Variants in CERS6 observed in about 807,000 individuals in gnomAD.
CERS6 encodes LAG1 homolog, ceramide synthase 6.
CERS6 carries 26 observed loss-of-function variants against 56.8 expected under a neutral mutation model. The ratio of observed to expected loss-of-function variants is 0.46; its 90% confidence interval spans 0.34 to 0.63. The LOEUF is 0.63. CERS6 is among the 30% of genes least tolerant of loss of function. CERS6 has a pLI of 0.01. For synonymous variants in CERS6, 164 were observed against 173.3 expected, an observed-to-expected ratio of 0.95 and a Z score of 0.42; for missense variants, 415 against 467.5, an observed-to-expected ratio of 0.89 and a Z score of 1.04.
rs1386790554 is a variant in CERS6 at position 168,772,129 on chromosome 2, CT to C, written c.*2468del. ...ATATGTGCAGTATCTCATCCTCCCC[CT>C]GTACCAGGCCATAGCTTTGAAGTGT... On this transcript the variant is annotated 3_prime_UTR_variant, in exon 10 of 10. Transcript: ENST00000305747. The C allele has an allele frequency of 6.6e-6, 1 of 152,218 alleles. No homozygotes were observed. Among genetic ancestry groups the C allele is most frequent in the African/African-American group, 2.4e-5 (1 of 41,456 alleles). 9.4% of individuals were successfully genotyped at this position (152,218 alleles called of 1,614,324 possible). A position where few individuals can be genotyped will look rare whatever the true frequency, so the allele number is the denominator to read the frequency against.
At chr2:168,480,577 G>A (rs915579145) in intron 1 of CERS6, among the ~76,000 whole-genome samples, 1 of 152,090 alleles carries the variant, frequency 6.6e-6, no homozygotes, top group African/African-American at 2.4e-5. Flanking sequence ...TCCAAGTTCC[G>A]GGTTCTTTAT....
chr2:168,619,501 A>G (rs1481440576), intron 3 of CERS6, among the ~76,000 whole-genome samples: 1 of 152,082 alleles, frequency 6.6e-6, no homozygotes, highest in Non-Finnish European at 1.5e-5. Context: ...ACTCAAACAA[A>G]TCAGCAAGAA....
intron 4 of CERS6, among the ~76,000 whole-genome samples, chr2:168,652,571 G>C (rs1273272046): frequency 8.1e-6 from 1 of 123,300 alleles, no homozygotes; most frequent in East Asian, 2.4e-4. Context: ...AGGGAAAAAA[G>C]TGTTAAAAAA....
chr2:168,736,718 C>A (rs190864031), intron 8 of CERS6, among the ~76,000 whole-genome samples: 6 of 152,344 alleles, frequency 3.9e-5, no homozygotes, highest in African/African-American at 1.4e-4. Context: ...AATAATCCAG[C>A]TGCAACATTT....
rs572999956 is a variant in CERS6 at position 168,561,550 on chromosome 2, C to T, written c.407+228C>T. Among the ~76,000 whole-genome samples the T allele has an allele frequency of 3.9e-5, 6 of 152,256 alleles. No homozygotes were observed. The South Asian group carries it at 6.2e-4, about 16-fold the overall frequency. On this transcript the variant is annotated intron_variant, in intron 3 of 9. Transcript: ENST00000305747. The stretch of plus-strand genomic sequence containing the variant: ...CTTAATGGAGTTTCTACAAAGTAAG[C>T]ATATTATAAAAGGATCTACAATGGT...
chr2:168,488,875 T>G (rs1308598843), intron 1 of CERS6, among the ~76,000 whole-genome samples: 1 of 152,196 alleles, frequency 6.6e-6, no homozygotes, highest in Non-Finnish European at 1.5e-5. Flanking sequence ...ATAATCATGA[T>G]GTATATTACA....
At chr2:168,669,388 G>A (rs945135748) in intron 4 of CERS6, among the ~76,000 whole-genome samples, 1 of 152,194 alleles carries the variant, frequency 6.6e-6, no homozygotes, top group African/African-American at 2.4e-5. Flanking sequence ...CCAGAACTGA[G>A]TCACAGGGCC....
chr2:168,548,893 T>G (rs186588595), intron 2 of CERS6, among the ~76,000 whole-genome samples: 28 of 152,282 alleles, frequency 1.8e-4, no homozygotes, highest in Non-Finnish European at 3.5e-4. Context: ...GAAAAGCTCT[T>G]TTGATGGTTT....
intron 3 of CERS6, among the ~76,000 whole-genome samples, chr2:168,567,025 T>C (rs534348652): frequency 1.8e-4 from 28 of 152,334 alleles, no homozygotes; most frequent in Admixed American, 7.2e-4. Flanking sequence ...ATGGCATCTT[T>C]GTTTTTTCAG....
At chr2:168,712,230 T>C (rs1409046281) in intron 6 of CERS6, among the ~76,000 whole-genome samples, 1 of 152,178 alleles carries the variant, frequency 6.6e-6, no homozygotes, top group African/African-American at 2.4e-5. Context: ...AACTGAGAAG[T>C]CTACCTAATC....
intron 4 of CERS6, among the ~76,000 whole-genome samples, chr2:168,653,736 C>G (rs1296493377): frequency 6.6e-6 from 1 of 152,160 alleles, no homozygotes; most frequent in Non-Finnish European, 1.5e-5. Context: ...CTGCCAGCAA[C>G]ACTAACAACT....
chr2:168,522,679 C>T (rs1306147317), intron 1 of CERS6, among the ~76,000 whole-genome samples: 1 of 152,098 alleles, frequency 6.6e-6, no homozygotes, highest in Admixed American at 6.6e-5. Context: ...GCTGGGACTA[C>T]TGGCATGTAC....
chr2:168,732,598 T>C (rs1322177579), intron 8 of CERS6, among the ~76,000 whole-genome samples: 1 of 152,214 alleles, frequency 6.6e-6, no homozygotes, highest in Non-Finnish European at 1.5e-5. Context: ...TCCATTCTAT[T>C]ATTTTCTCAC....
At chr2:168,567,976 TC>T (rs776581244) in intron 3 of CERS6, among the ~76,000 whole-genome samples, 1 of 152,228 alleles carries the variant, frequency 6.6e-6, no homozygotes, top group Non-Finnish European at 1.5e-5. Context: ...TGAAACCTTG[TC>T]CCCCTCGTTC....
At chr2:168,477,053 T>C (rs1330189325) in intron 1 of CERS6, among the ~76,000 whole-genome samples, 1 of 151,960 alleles carries the variant, frequency 6.6e-6, no homozygotes, top group African/African-American at 2.4e-5. Flanking sequence ...AAGCCTAAGA[T>C]CAAGGCACCA....
intron 6 of CERS6, among the ~76,000 whole-genome samples, chr2:168,699,083 T>C (rs1364951400): frequency 2.0e-5 from 3 of 152,222 alleles, no homozygotes; most frequent in African/African-American, 7.2e-5. Flanking sequence ...ATTAGGGAGC[T>C]GCAGTGCTTG....
intron 9 of CERS6, among the ~76,000 whole-genome samples, chr2:168,767,273 G>A (rs1183762012): frequency 6.6e-6 from 1 of 152,172 alleles, no homozygotes; most frequent in African/African-American, 2.4e-5. Context: ...TTGACCATGA[G>A]TTATTTTCCT....
At chr2:168,465,570 A>T (rs1693855698) in intron 1 of CERS6, among the ~76,000 whole-genome samples, 1 of 152,220 alleles carries the variant, frequency 6.6e-6, no homozygotes, top group Non-Finnish European at 1.5e-5. Flanking sequence ...TTTAAAAGGA[A>T]GGAATTTCTG....
intron 3 of CERS6, among the ~76,000 whole-genome samples, chr2:168,613,438 A>G (rs1007914182): frequency 5.3e-5 from 8 of 152,348 alleles, no homozygotes; most frequent in African/African-American, 1.9e-4. Flanking sequence ...CAAGAGAAGC[A>G]GAGGGTTGGG....
Sources: allele counts gnomAD v4.1 joint callset (sites outside exome capture counted in the v4.1 genomes callset), GRCh38; gene constraint gnomAD v4.1.1; transcripts MANE v1.5; gene names NCBI Gene and HGNC (gene_info 2026-07-23, HGNC 2026-07-21).